FARP1: variants seen among roughly 807,000 people sequenced by gnomAD.
FARP1 encodes the protein FERM, ARHGEF and pleckstrin domain-containing protein 1.
FARP1 carries 52 observed loss-of-function variants against 128.8 expected under a neutral mutation model. The ratio of observed to expected loss-of-function variants is 0.40; its 90% CI spans 0.32 to 0.51. FARP1 has a LOEUF of 0.51. Among genes scored for constraint, FARP1 ranks in the 20% least tolerant of loss-of-function variants. FARP1 has a pLI of 0.45. For missense variants in FARP1, 1,333 were observed against 1,367.9 expected, an observed-to-expected ratio of 0.97 and a Z score of 0.40; for synonymous variants, 580 against 551.8, an observed-to-expected ratio of 1.05 and a Z score of -0.72.
At chr13:98,398,779 G>A (rs1566291755) in intron 13 of FARP1, 1 of 152,214 alleles carries the variant, frequency 6.6e-6, no homozygotes, top group East Asian at 1.9e-4. Context: ...GAATCCTGTG[G>A]TTTATCTGTG....
At chr13:98,208,883 A>G (rs1035367799) in intron 1 of FARP1, among the ~76,000 whole-genome samples, 1 of 152,122 alleles carries the variant, frequency 6.6e-6, no homozygotes, top group Non-Finnish European at 1.5e-5. Flanking sequence ...TCATTAGGAA[A>G]CTTCTGGGGA....
At chr13:98,363,607 G>A (rs535999026) in intron 3 of FARP1, among the ~76,000 whole-genome samples, 2 of 152,222 alleles carry the variant, frequency 1.3e-5, no homozygotes, top group East Asian at 3.9e-4. Context: ...GGCAACTCCA[G>A]ACCGCTCCTA....
chr13:98,395,682 G>C, intron 13 of FARP1: 4 of 587,470 alleles, frequency 6.8e-6, no homozygotes, highest in South Asian at 3.4e-5. Context: ...GGCGAAGAGA[G>C]GCTGGGCGTA....
At chr13:98,379,590 G>A (rs1889811637) in intron 6 of FARP1, among the ~76,000 whole-genome samples, 1 of 152,008 alleles carries the variant, frequency 6.6e-6, no homozygotes, top group Non-Finnish European at 1.5e-5. Context: ...AATGTCCATG[G>A]GGTATTGGCT....
intron 2 of FARP1, among the ~76,000 whole-genome samples, chr13:98,262,284 G>C (rs1339194569): frequency 6.6e-6 from 1 of 151,454 alleles, no homozygotes; most frequent in African/African-American, 2.4e-5. Flanking sequence ...GCCTCTCAAA[G>C]TGCTGGGATT....
chr13:98,213,668 T>A (rs1277656118), intron 2 of FARP1, among the ~76,000 whole-genome samples: 1 of 152,180 alleles, frequency 6.6e-6, no homozygotes, highest in African/African-American at 2.4e-5. Flanking sequence ...TGAACTTTCA[T>A]TCAAATATAT....
intron 13 of FARP1, chr13:98,399,797 C>A (rs1890690412): frequency 6.6e-6 from 1 of 152,200 alleles, no homozygotes. Context: ...GTGCTAATAT[C>A]TTTTGTTGGA....
chr13:98,355,300 C>G (rs555234306), intron 3 of FARP1, among the ~76,000 whole-genome samples: 1 of 152,050 alleles, frequency 6.6e-6, no homozygotes, highest in African/African-American at 2.4e-5. Context: ...GAGCCAAGAT[C>G]GAGCCACTGT....
chr13:98,395,387 G>C lies in FARP1; in HGVS notation c.1325G>C (p.Gly442Ala). The change falls in exon 13 of 27, where the codon GGA (glycine) becomes GCA (alanine). Residue 442 changes from glycine (G) to alanine (A), a missense_variant. By Grantham distance (60) the Gly-to-Ala change is moderately conservative. Transcript: ENST00000319562. Reference sequence around the variant, plus strand: ...CCCGCGGGTAACAAGCAGGCGGACGGAGCCGCCTCGGCGCCCACGGAGGAA... The same window carrying C: ...CCCGCGGGTAACAAGCAGGCGGACGCAGCCGCCTCGGCGCCCACGGAGGAA... ...RSPAGNKQAD[G>A]AASAPTEEEE... 1.9e-6 allele frequency: 3 copies of C among 1,611,822 alleles called. No individual in the cohort carries two copies. Among genetic ancestry groups the C allele is most frequent in the Non-Finnish European group, 2.5e-6 (3 of 1,179,124 alleles).
Position 98,192,357 on chromosome 13 carries a change from C to T in FARP1, c.-23-20863C>T, listed in dbSNP as rs373651665. Among the ~76,000 whole-genome samples the T allele has an allele frequency of 9.9e-5, 15 of 152,138 alleles. No homozygotes were observed. In the East Asian group the frequency reaches 2.9e-3, roughly 29 times the overall value. On this transcript the variant is annotated intron_variant, in intron 1 of 26. Coordinates refer to ENST00000319562, the MANE Select transcript of FARP1 (RefSeq NM_005766.4). ...ATTGATTTCTGTGTGTGTTGAATCACATTGCCATCAACCCCAGCAATGTAA... is the reference window on the plus strand; with the variant it reads ...ATTGATTTCTGTGTGTGTTGAATCATATTGCCATCAACCCCAGCAATGTAA...
chr13:98,235,686 C>T (rs1882370201), intron 2 of FARP1, among the ~76,000 whole-genome samples: 1 of 152,148 alleles, frequency 6.6e-6, no homozygotes, highest in South Asian at 2.1e-4. Flanking sequence ...AGAGCTCTTT[C>T]CTTTTTAAAA....
intron 2 of FARP1, among the ~76,000 whole-genome samples, chr13:98,336,629 G>C (rs1887756491): frequency 6.6e-6 from 1 of 152,284 alleles, no homozygotes; most frequent in East Asian, 1.9e-4. Context: ...ATTTGTAATA[G>C]CTTGAAGCGC....
At chr13:98,247,096 G>A (rs1441196898) in intron 2 of FARP1, among the ~76,000 whole-genome samples, 6 of 152,190 alleles carry the variant, frequency 3.9e-5, no homozygotes, top group East Asian at 1.9e-4. Flanking sequence ...GCGTGATGGC[G>A]CATGCCTGTA....
chr13:98,279,696 C>A (rs1161419783), intron 2 of FARP1, among the ~76,000 whole-genome samples: 1 of 152,072 alleles, frequency 6.6e-6, no homozygotes, highest in African/African-American at 2.4e-5. Context: ...TGACAGCTGC[C>A]CCAGGGGATG....
chr13:98,345,070 G>C (rs982364605), intron 3 of FARP1, among the ~76,000 whole-genome samples: 1 of 152,252 alleles, frequency 6.6e-6, no homozygotes, highest in Non-Finnish European at 1.5e-5. Context: ...TCTGAAGAGA[G>C]TCCAGGAAAC....
chr13:98,194,449 A>G (rs1299027497), intron 1 of FARP1, among the ~76,000 whole-genome samples: 4 of 152,204 alleles, frequency 2.6e-5, no homozygotes, highest in African/African-American at 7.2e-5. Flanking sequence ...CATAGAATAC[A>G]TTTCACATTA....
intron 2 of FARP1, among the ~76,000 whole-genome samples, chr13:98,319,087 C>T (rs1886877351): frequency 6.6e-6 from 1 of 151,572 alleles, no homozygotes; most frequent in Non-Finnish European, 1.5e-5. Flanking sequence ...CTCAGCCTCC[C>T]AAGTAGCTGG....
At chr13:98,424,697 C>A (rs773676083) in intron 17 of FARP1, 47 bp downstream of exon 17, 1 of 1,341,494 alleles carries the variant, frequency 7.5e-7, no homozygotes, top group South Asian at 1.2e-5. Flanking sequence ...CAAGGAGAAT[C>A]GAGCGGGGCT....
intron 1 of FARP1, among the ~76,000 whole-genome samples, chr13:98,166,495 T>C (rs1228177626): frequency 6.6e-6 from 1 of 152,108 alleles, no homozygotes; most frequent in African/African-American, 2.4e-5. Context: ...GGGAGAGGTA[T>C]TATTATTATC....
Sources: gnomAD v4.1 joint callset for allele counts (sites outside exome capture counted in the v4.1 genomes callset) on GRCh38, gnomAD v4.1.1 for gene constraint, MANE v1.5 for transcripts, NCBI Gene and HGNC (gene_info 2026-07-23, HGNC 2026-07-21) for gene names.